MED17: variants seen among roughly 807,000 people sequenced by gnomAD.
The protein encoded by MED17 is mediator of RNA polymerase II transcription subunit 17.
Under a neutral mutation model 80.8 loss-of-function variants are expected in MED17, and 49 were observed. That is an observed-to-expected ratio of 0.61 (90% CI 0.48 to 0.77). MED17 has a LOEUF of 0.77. MED17 is among the 30% of genes least tolerant of loss of function. The pLI is 0.00. For missense variants in MED17, 718 were observed against 787.0 expected (o/e 0.91, Z 1.05); for synonymous variants, 281 against 280.4 (o/e 1.00, Z -0.02).
intron 9 of MED17, among the ~76,000 whole-genome samples, chr11:93,805,870 G>A (rs757004267): frequency 2.0e-5 from 3 of 152,010 alleles, no homozygotes; most frequent in African/African-American, 4.8e-5. Flanking sequence ...AGGCTGAGGC[G>A]GGAGGATCAC....
chr11:93,786,437 G>A (rs928671381), intron 1 of MED17, among the ~76,000 whole-genome samples: 2 of 151,950 alleles, frequency 1.3e-5, no homozygotes, highest in African/African-American at 4.8e-5. Context: ...TTTAATATGT[G>A]CCAACATTTA....
chr11:93,806,514 A>G (rs1437066364), intron 9 of MED17: 2 of 152,148 alleles, frequency 1.3e-5, no homozygotes, highest in African/African-American at 4.8e-5. Flanking sequence ...TTTACTGGCT[A>G]TTGTATGAGT....
intron 10 of MED17, chr11:93,807,958 T>C: frequency 2.9e-6 from 1 of 350,276 alleles, no homozygotes; most frequent in Non-Finnish European, 5.4e-6. Flanking sequence ...CCAGAGTTGT[T>C]GTAGAAAGTG....
At chr11:93,807,417 AAAT>A (rs575668202) in intron 9 of MED17, 98 bp from the exon 10 acceptor site, 9 of 806,126 alleles carry the variant, frequency 1.1e-5, no homozygotes, top group East Asian at 5.4e-5. Flanking sequence ...TTTGTCTAAA[AAAT>A]AATAATATTT....
intron 6 of MED17, chr11:93,795,560 TAA>T (rs35640887): frequency 1.8e-3 from 271 of 147,082 alleles, no homozygotes; most frequent in Middle Eastern, 3.5e-3. Context: ...ACAAACAAAT[TAA>T]AAAAAAAAAA....
At chr11:93,785,596 T>C (rs1445617772) in intron 1 of MED17, among the ~76,000 whole-genome samples, 1 of 152,232 alleles carries the variant, frequency 6.6e-6, no homozygotes, top group African/African-American at 2.4e-5. Flanking sequence ...ACAAAAATTA[T>C]TTCCACAGTA....
At position 93,784,484 on chromosome 11, in the gene MED17, G is replaced by T. The variant is rs776943883; in HGVS notation, c.-30G>T. 3 of 1,581,850 alleles carry T rather than the reference G, an allele frequency of 1.9e-6. No homozygotes were observed. The highest frequency in any genetic ancestry group is 3.4e-5 in the Admixed American group (2 of 58,350). On this transcript the variant is annotated 5_prime_UTR_variant, in exon 1 of 12. Coordinates refer to ENST00000251871, the MANE Select transcript of MED17 (RefSeq NM_004268.5). ...TACCTCGTTTTTTGGCTCGTGGGGG[G>T]TCCTCCCACCGCTGGCCGACGCAGC...
intron 5 of MED17, chr11:93,794,634 A>G: frequency 2.0e-6 from 1 of 506,374 alleles, no homozygotes; most frequent in South Asian, 2.2e-5. Flanking sequence ...ATTATTGCTA[A>G]TTGATACTTC....
intron 3 of MED17, among the ~76,000 whole-genome samples, 177 bp downstream of exon 3, chr11:93,790,970 T>C (rs1335330162): frequency 6.6e-6 from 1 of 152,126 alleles, no homozygotes; most frequent in Non-Finnish European, 1.5e-5. Context: ...TAGCCAGGCG[T>C]GGTAACACGC....
intron 1 of MED17, 60 bp from the exon 2 acceptor site, chr11:93,787,941 G>C: frequency 7.2e-7 from 1 of 1,384,510 alleles, no homozygotes; most frequent in Non-Finnish European, 1.0e-6. Flanking sequence ...TAAGTGAGCT[G>C]TCTGCCATTC....
intron 3 of MED17, among the ~76,000 whole-genome samples, chr11:93,792,291 A>C (rs1042177990): frequency 3.9e-5 from 6 of 152,252 alleles, no homozygotes; most frequent in African/African-American, 1.4e-4. Context: ...ATGCTTCAGC[A>C]TTGATATTAG....
At position 93,809,736 on chromosome 11, in the gene MED17, A is replaced by T; in HGVS notation, c.1604A>T (p.His535Leu). 6.2e-7 allele frequency: 1 copy of T among 1,614,190 alleles called. No homozygotes were observed. The highest frequency in any genetic ancestry group is 8.5e-7 in the Non-Finnish European group (1 of 1,180,022). ...LLSQMSQHQV[H>L]AVQQLAKVMG... The stretch of plus-strand genomic sequence containing the variant: ...TCACAGATGTCACAGCACCAGGTAC[A>T]TGCAGTTCAGCAACTCGCCAAGGTT... Residue 535 changes from histidine (H) to leucine (L), a missense_variant, in exon 11 of 12, where the codon CAT becomes CTT. Coordinates refer to ENST00000251871, the MANE Select transcript of MED17 (RefSeq NM_004268.5).
chr11:93,798,254 C>T (rs78590259), intron 8 of MED17, among the ~76,000 whole-genome samples: 3,367 of 152,236 alleles, frequency 0.022, 125 homozygotes, highest in African/African-American at 0.075. Flanking sequence ...GTCTATGTAA[C>T]GCCAAAGCTC....
chr11:93,807,821 G>A (rs888078105), intron 10 of MED17, 186 bp downstream of exon 10: 6 of 622,246 alleles, frequency 9.6e-6, no homozygotes, highest in Non-Finnish European at 1.7e-5. Flanking sequence ...TGGAAGTACT[G>A]ATAAGCTGTC....
chr11:93,797,725 G>A lies in MED17; in HGVS notation c.1328+6G>A, dbSNP rs1390839393. 2 of 1,604,750 alleles carry A rather than the reference G, an allele frequency of 1.2e-6. No homozygotes were observed. The highest frequency in any genetic ancestry group is 2.2e-5 in the South Asian group (2 of 90,734). ...CATATTTTTCTAAGGAGTAGGTAAGGTTGAAGAAAGTTACTGTTTTCTGTT... is the reference window on the plus strand; with the variant it reads ...CATATTTTTCTAAGGAGTAGGTAAGATTGAAGAAAGTTACTGTTTTCTGTT... On this transcript the variant is annotated splice_donor_region_variant and intron_variant, in intron 8 of 11. Coordinates refer to ENST00000251871, the MANE Select transcript of MED17 (RefSeq NM_004268.5).
intron 8 of MED17, among the ~76,000 whole-genome samples, chr11:93,799,306 T>C (rs1443663093): frequency 6.6e-6 from 1 of 152,012 alleles, no homozygotes; most frequent in East Asian, 1.9e-4. Context: ...CTCCCAAGTA[T>C]TTGGGATTAC....
At chr11:93,808,576 A>T (rs1944052697) in intron 10 of MED17, 1 of 143,118 alleles carries the variant, frequency 7.0e-6, no homozygotes, top group African/African-American at 2.6e-5. Flanking sequence ...GCAAGATACT[A>T]TTTTTTTTTC....
At chr11:93,809,454 T>C in intron 10 of MED17, 1 of 506,244 alleles carries the variant, frequency 2.0e-6, no homozygotes, top group Non-Finnish European at 3.6e-6. Flanking sequence ...GAGTCTTCAG[T>C]TGGCCAAATT....
chr11:93,796,426 T>G lies in MED17; in HGVS notation c.1029T>G (p.Ile343Met). 6.2e-7 allele frequency: 1 copy of G among 1,612,972 alleles called. No homozygotes were observed. Among genetic ancestry groups the G allele is most frequent in the Non-Finnish European group, 8.5e-7 (1 of 1,178,982 alleles). The change falls in exon 7 of 12, where the codon ATT (isoleucine) becomes ATG (methionine). Residue 343 changes from isoleucine (I) to methionine (M), a missense_variant. Transcript: ENST00000251871. ...SQPFPSLQLS[I>M]SLCHSSNDKK... Reference sequence around the variant, plus strand: ...TATAAATAGGCTTGCAGTTATCTATTTCTTTGTGCCATTCCTCAAATGATA... The same window carrying G: ...TATAAATAGGCTTGCAGTTATCTATGTCTTTGTGCCATTCCTCAAATGATA...
Sources: gnomAD v4.1 joint callset for allele counts (sites outside exome capture counted in the v4.1 genomes callset) on GRCh38, gnomAD v4.1.1 for gene constraint, MANE v1.5 for transcripts, NCBI Gene and HGNC (gene_info 2026-07-23, HGNC 2026-07-21) for gene names.